ANXA3: variants seen among roughly 807,000 people sequenced by gnomAD.
ANXA3 encodes 35-alpha calcimedin.
Under a neutral mutation model 48.8 loss-of-function variants are expected in ANXA3, and 46 were observed. The observed-to-expected ratio is 0.94, with a 90% CI of 0.74 to 1.21. ANXA3 has a LOEUF of 1.21. Among genes scored for constraint, ANXA3 ranks in the 50% most tolerant of loss-of-function variants. The probability of loss-of-function intolerance (pLI) is 0.00; values close to 1 mark genes in which losing one functional copy is unlikely to be tolerated. For synonymous variants in ANXA3, 128 were observed against 134.7 expected, an observed-to-expected ratio of 0.95 and a Z score of 0.35; for missense variants, 383 against 378.6, an observed-to-expected ratio of 1.01 and a Z score of -0.10.
At chr4:78,606,575 C>T (rs1475173215) in intron 12 of ANXA3, among the ~76,000 whole-genome samples, 1 of 152,108 alleles carries the variant, frequency 6.6e-6, no homozygotes, top group Non-Finnish European at 1.5e-5. Flanking sequence ...TCGCTATGGC[C>T]CTACCCACAA....
intron 2 of ANXA3, among the ~76,000 whole-genome samples, chr4:78,561,296 A>G (rs996139625): frequency 2.1e-4 from 32 of 152,162 alleles, no homozygotes; most frequent in Admixed American, 1.4e-3. Context: ...AGTTTGACAT[A>G]TGAGGACACA....
At chr4:78,590,829 G>A (rs1292092560) in intron 6 of ANXA3, among the ~76,000 whole-genome samples, 3 of 151,474 alleles carry the variant, frequency 2.0e-5, no homozygotes, top group Admixed American at 1.3e-4. Flanking sequence ...GCTTACAAAA[G>A]GTAGAAGTTT....
chr4:78,564,722 G>A (rs931602), intron 2 of ANXA3, among the ~76,000 whole-genome samples: 85,345 of 152,040 alleles, frequency 0.56, 27,066 homozygotes, highest in Non-Finnish European at 0.72. Context: ...TAGAGAAGAT[G>A]GTCTTTAAGG....
chr4:78,586,264 C>G lies in ANXA3; in HGVS notation c.317C>G (p.Ala106Gly), dbSNP rs41278059. 6.2e-7 allele frequency: 1 copy of G among 1,612,688 alleles called. No homozygotes were observed. Among genetic ancestry groups the G allele is most frequent in the African/African-American group, 1.3e-5 (1 of 74,916 alleles). ...AKQLKKSMKG[A>G]GTNEDALIEI... ...AGATTTTCTTTTCCTTTTTAGGGCG[C>G]GGGAACAAACGAAGATGCCTTGATT... Residue 106 changes from alanine to glycine, a missense_variant, in exon 6 of 13, where the codon GCG (alanine) becomes GGG (glycine). Transcript: ENST00000264908.
chr4:78,568,671 C>A (rs577680900), intron 2 of ANXA3, among the ~76,000 whole-genome samples: 35 of 152,330 alleles, frequency 2.3e-4, no homozygotes, highest in African/African-American at 7.9e-4. Context: ...AAACACAGTA[C>A]ACTTTGCATA....
At chr4:78,554,117 G>A (rs573274804) in intron 1 of ANXA3, 2 of 198,150 alleles carry the variant, frequency 1.0e-5, no homozygotes, top group East Asian at 2.3e-4. Context: ...GTAATCAGCA[G>A]AGTTCTCCTG....
Position 78,604,292 on chromosome 4 carries a change from G to C in ANXA3, c.805G>C (p.Glu269Gln). The change falls in exon 12 of 13, where the codon GAG becomes CAG. Residue 269 changes from glutamate (E) to glutamine (Q), a missense_variant. Transcript: ENST00000264908. ...TCCTTAACAGGGTATTGGAACTGAT[G>C]AGTTTACTCTGAACCGAATAATGGT... ...HRALKGIGTDEFTLNRIMVSR... is the reference protein window; with the variant it reads ...HRALKGIGTDQFTLNRIMVSR... 2 of 1,611,548 alleles carry C rather than the reference G, an allele frequency of 1.2e-6. No individual in the cohort carries two copies. Among genetic ancestry groups the C allele is most frequent in the Non-Finnish European group, 1.7e-6 (2 of 1,178,356 alleles).
intron 2 of ANXA3, among the ~76,000 whole-genome samples, chr4:78,565,927 A>C (rs183738206): frequency 3.3e-5 from 5 of 152,320 alleles, no homozygotes; most frequent in Admixed American, 2.6e-4. Flanking sequence ...TCAGAACTGA[A>C]GTCTGGGCTA....
At position 78,579,007 on chromosome 4, in the gene ANXA3, A is replaced by ATAAG; in HGVS notation, c.104-17_104-16insGTAA. The ATAAG allele has an allele frequency of 3.9e-6, 6 of 1,550,862 alleles. No individual in the cohort carries two copies. Among genetic ancestry groups the ATAAG allele is most frequent in the Non-Finnish European group, 5.3e-6 (6 of 1,124,352 alleles). On this transcript the variant is annotated intron_variant, in intron 3 of 12. Transcript: ENST00000264908. ...ATGTTGAGCATAAATATTGAGTAAA[A>ATAAG]TAACTTTTGTTTCATTTAGGAACTG...
intron 10 of ANXA3, among the ~76,000 whole-genome samples, chr4:78,599,747 T>A (rs773390824): frequency 1.2e-4 from 18 of 151,998 alleles, no homozygotes; most frequent in Non-Finnish European, 2.5e-4. Context: ...TTAATCTATA[T>A]ATTAAAGATT....
At chr4:78,572,309 T>C (rs531669614) in intron 2 of ANXA3, among the ~76,000 whole-genome samples, 23 of 152,056 alleles carry the variant, frequency 1.5e-4, no homozygotes, top group Non-Finnish European at 1.5e-5. Context: ...GTCTGGGGGG[T>C]AGACCATCAC....
At chr4:78,582,054 T>G in intron 4 of ANXA3, 123 bp from the exon 5 acceptor site, 1 of 616,800 alleles carries the variant, frequency 1.6e-6, no homozygotes, top group Non-Finnish European at 2.9e-6. Flanking sequence ...ACACTTCTGT[T>G]TATTCCCTGT....
intron 6 of ANXA3, among the ~76,000 whole-genome samples, chr4:78,591,266 G>GGAAAAGCTTAGTGC (rs1723290032): frequency 6.6e-6 from 1 of 152,150 alleles, no homozygotes; most frequent in South Asian, 2.1e-4. Context: ...TTTCCACTAT[G>GGAAAAGCTTAGTGC]CATCCCTTAG....
At chr4:78,577,869 T>A (rs1722987546) in intron 3 of ANXA3, among the ~76,000 whole-genome samples, 3 of 152,218 alleles carry the variant, frequency 2.0e-5, no homozygotes, top group Non-Finnish European at 1.5e-5. Context: ...TTTTTCTTAC[T>A]ACTGTAGTCA....
intron 2 of ANXA3, among the ~76,000 whole-genome samples, chr4:78,565,377 G>A (rs1722710489): frequency 6.6e-6 from 1 of 152,242 alleles, no homozygotes; most frequent in Non-Finnish European, 1.5e-5. Context: ...AGATGTTCAA[G>A]TACGGGAGAG....
intron 7 of ANXA3, 141 bp from the exon 8 acceptor site, chr4:78,595,240 T>C (rs987354815): frequency 9.1e-6 from 8 of 874,490 alleles, no homozygotes; most frequent in Admixed American, 2.2e-5. Context: ...GAACCAGAAC[T>C]GGAGCCCTGA....
intron 5 of ANXA3, among the ~76,000 whole-genome samples, chr4:78,583,498 C>T (rs1002722703): frequency 2.6e-5 from 4 of 151,820 alleles, no homozygotes; most frequent in African/African-American, 7.3e-5. Context: ...GTGGCTCATG[C>T]CTGTAGTCCC....
rs1723439642 is a variant in ANXA3 at position 78,597,228 on chromosome 4, T to A, written c.635-91T>A. The A allele has an allele frequency of 1.4e-5, 11 of 795,680 alleles. No individual in the cohort carries two copies. In the South Asian group the frequency reaches 1.8e-4, roughly 13 times the overall value. 49.3% of individuals were successfully genotyped at this position (795,680 alleles called of 1,614,324 possible). On this transcript the variant is annotated intron_variant, in intron 9 of 12. Transcript: ENST00000264908. Reference sequence around the variant, plus strand: ...AAGAGGGAGTTTTTTAGCTTGCTACTTGATCTTCTGCATATCAAATAAAAA... The same window carrying A: ...AAGAGGGAGTTTTTTAGCTTGCTACATGATCTTCTGCATATCAAATAAAAA...
rs779699967 is a variant in ANXA3 at position 78,595,765 on chromosome 4, T to A, written c.541-29T>A. ...TCACCTCTCAAAAAGAAAATAATTG[T>A]GTCTCTAATATCATTCTCTTGTGAA... On this transcript the variant is annotated intron_variant, in intron 8 of 12. Coordinates refer to ENST00000264908, the MANE Select transcript of ANXA3 (RefSeq NM_005139.3). 2.5e-5 allele frequency: 34 copies of A among 1,384,026 alleles called. No homozygotes were observed. The African/African-American group carries it at 4.7e-4, about 19-fold the overall frequency. The allele number at this position is 1,384,026 out of a possible 1,614,324, so 85.7% of individuals were successfully genotyped here. A position where few individuals can be genotyped will look rare whatever the true frequency, so the allele number is the denominator to read the frequency against.
Sources: gnomAD v4.1 joint callset for allele counts (sites outside exome capture counted in the v4.1 genomes callset) on GRCh38, gnomAD v4.1.1 for gene constraint, MANE v1.5 for transcripts, NCBI Gene and HGNC (gene_info 2026-07-23, HGNC 2026-07-21) for gene names.